SPAG16: variants seen among roughly 807,000 people sequenced by gnomAD.
SPAG16 encodes the protein sperm-associated antigen 16 protein.
In SPAG16, 86 loss-of-function variants were observed where a neutral mutation model predicts 80.4. That is an observed-to-expected ratio of 1.07 (90% CI 0.90 to 1.28). The LOEUF is 1.28. Among genes scored for constraint, SPAG16 ranks in the 50% most tolerant of loss-of-function variants. The pLI is 0.00. For missense variants in SPAG16, 870 were observed against 765.3 expected (o/e 1.14, Z -1.61); for synonymous variants, 294 against 265.9 (o/e 1.11, Z -1.03).
chr2:213,999,310 A>G (rs116689760), intron 12 of SPAG16, among the ~76,000 whole-genome samples: 206 of 152,308 alleles, frequency 1.4e-3, no homozygotes, highest in African/African-American at 4.4e-3. Flanking sequence ...AAAGGGTCCA[A>G]TGTAGAGCTT....
At chr2:213,868,648 T>C (rs2075804867) in intron 11 of SPAG16, among the ~76,000 whole-genome samples, 2 of 152,216 alleles carry the variant, frequency 1.3e-5, no homozygotes, top group South Asian at 4.1e-4. Context: ...CAGCTTATTA[T>C]GTGAAACAGC....
In SPAG16 at chr2:214,080,412, C is replaced by T. The variant is rs182997329; in HGVS notation, c.1528-27784C>T. Among the ~76,000 whole-genome samples the T allele has an allele frequency of 4.7e-3, 695 of 149,344 alleles. 12 individuals are homozygous for T. The highest frequency in any genetic ancestry group is 0.042 in the East Asian group (216 of 5,088). On this transcript the variant is annotated intron_variant, in intron 13 of 15. Coordinates refer to ENST00000331683, the MANE Select transcript of SPAG16 (RefSeq NM_024532.5). ...AGGAGATCAAGACCATCCTGGCTAA[C>T]GCGGTGAAACCCCATCTCTACTAAA...
At chr2:213,782,335 C>T (rs2070044394) in intron 10 of SPAG16, among the ~76,000 whole-genome samples, 1 of 151,936 alleles carries the variant, frequency 6.6e-6, no homozygotes, top group African/African-American at 2.4e-5. Flanking sequence ...TATATGGAAA[C>T]AGGGAAATCT....
intron 12 of SPAG16, among the ~76,000 whole-genome samples, chr2:213,946,365 G>C (rs911022433): frequency 6.6e-6 from 1 of 151,960 alleles, no homozygotes; most frequent in Non-Finnish European, 1.5e-5. Flanking sequence ...TACCTGCCTC[G>C]GCCTCCCAGA....
At chr2:213,652,744 A>G (rs1200621348) in intron 10 of SPAG16, among the ~76,000 whole-genome samples, 5 of 152,082 alleles carry the variant, frequency 3.3e-5, no homozygotes, top group Admixed American at 1.3e-4. Flanking sequence ...GATTCTTTAA[A>G]TATTCTAGAT....
intron 10 of SPAG16, among the ~76,000 whole-genome samples, chr2:213,778,591 C>T (rs2069746837): frequency 6.6e-6 from 1 of 152,074 alleles, no homozygotes; most frequent in African/African-American, 2.4e-5. Flanking sequence ...ATCCACTGGC[C>T]ATAAGTCAAG....
At chr2:213,667,913 G>C (rs1023165192) in intron 10 of SPAG16, among the ~76,000 whole-genome samples, 2 of 150,262 alleles carry the variant, frequency 1.3e-5, no homozygotes, top group Non-Finnish European at 2.9e-5. Flanking sequence ...ATAAACGAGT[G>C]TATTTGAATA....
At chr2:214,075,134 C>G (rs1331583930) in intron 13 of SPAG16, among the ~76,000 whole-genome samples, 2 of 151,596 alleles carry the variant, frequency 1.3e-5, no homozygotes, top group Non-Finnish European at 2.9e-5. Context: ...TTTCTGTACC[C>G]TAGCTTTTTT....
chr2:213,395,131 T>C (rs1339162710), intron 9 of SPAG16, among the ~76,000 whole-genome samples: 1 of 152,208 alleles, frequency 6.6e-6, no homozygotes, highest in African/African-American at 2.4e-5. Context: ...TTGTCAGTCT[T>C]GCTATATAGC....
At chr2:213,459,218 C>A (rs1416927827) in intron 9 of SPAG16, among the ~76,000 whole-genome samples, 1 of 152,132 alleles carries the variant, frequency 6.6e-6, no homozygotes, top group Admixed American at 6.6e-5. Flanking sequence ...TGGTGAGTTT[C>A]TAATGTCCAT....
At chr2:213,461,207 A>G (rs1377465392) in intron 9 of SPAG16, among the ~76,000 whole-genome samples, 1 of 152,180 alleles carries the variant, frequency 6.6e-6, no homozygotes, top group Admixed American at 6.5e-5. Context: ...CAATGACACA[A>G]TTGCAATGTT....
intron 9 of SPAG16, among the ~76,000 whole-genome samples, chr2:213,401,534 C>A (rs1015647287): frequency 1.8e-4 from 28 of 152,132 alleles, no homozygotes; most frequent in Non-Finnish European, 8.8e-5. Context: ...CAGTGAAATA[C>A]AAAAAATCTC....
intron 10 of SPAG16, among the ~76,000 whole-genome samples, chr2:213,684,329 A>G (rs2064553214): frequency 1.3e-5 from 2 of 152,346 alleles, no homozygotes; most frequent in East Asian, 1.9e-4. Context: ...ACTAAAGGCA[A>G]TGGTGTGCAA....
chr2:213,976,267 T>C (rs1411653653), intron 12 of SPAG16, among the ~76,000 whole-genome samples: 2 of 150,770 alleles, frequency 1.3e-5, no homozygotes, highest in Non-Finnish European at 3.0e-5. Context: ...TACACACATA[T>C]ACATATGCGT....
intron 15 of SPAG16, among the ~76,000 whole-genome samples, chr2:214,290,552 C>T (rs1559186451): frequency 6.6e-6 from 1 of 151,974 alleles, no homozygotes; most frequent in Non-Finnish European, 1.5e-5. Context: ...TTGCTGTCTC[C>T]CACAAGTTTG....
chr2:213,630,159 G>A (rs1221250106), intron 10 of SPAG16, among the ~76,000 whole-genome samples: 1 of 152,126 alleles, frequency 6.6e-6, no homozygotes, highest in Non-Finnish European at 1.5e-5. Context: ...TGAGGTGGGT[G>A]GATCACATCA....
At chr2:214,269,391 A>G (rs1205571054) in intron 15 of SPAG16, among the ~76,000 whole-genome samples, 1 of 151,994 alleles carries the variant, frequency 6.6e-6, no homozygotes, top group African/African-American at 2.4e-5. Flanking sequence ...ACATATGCCT[A>G]TTCTTTGCAC....
chr2:214,259,674 G>A (rs550052399), intron 15 of SPAG16, among the ~76,000 whole-genome samples: 80 of 151,408 alleles, frequency 5.3e-4, no homozygotes, highest in African/African-American at 1.6e-3. Context: ...TTTTGTTTTC[G>A]TCTCCGGTTC....
chr2:213,390,424 T>C (rs377467697), intron 9 of SPAG16, among the ~76,000 whole-genome samples: 1 of 152,188 alleles, frequency 6.6e-6, no homozygotes, highest in East Asian at 1.9e-4. Context: ...AATAAAAACA[T>C]TATTAAAGAA....
Sources: gnomAD v4.1 joint callset for allele counts (sites outside exome capture counted in the v4.1 genomes callset) on GRCh38, gnomAD v4.1.1 for gene constraint, MANE v1.5 for transcripts, NCBI Gene and HGNC (gene_info 2026-07-23, HGNC 2026-07-21) for gene names.